Variants in CSRNP3 observed in about 807,000 individuals in gnomAD.
CSRNP3 encodes the protein cysteine/serine-rich nuclear protein 3.
Under a neutral mutation model 48.0 loss-of-function variants are expected in CSRNP3, and 12 were observed. The ratio of observed to expected loss-of-function variants is 0.25; its 90% CI spans 0.16 to 0.41. The LOEUF (loss-of-function observed/expected upper bound fraction) is 0.41, where lower values mean the gene tolerates loss of function less well. Ranked by LOEUF, CSRNP3 falls within the 10% of genes least tolerant of loss-of-function variation. The pLI is 1.00. For missense variants in CSRNP3, 580 were observed against 724.4 expected (o/e 0.80, Z 2.29); for synonymous variants, 263 against 269.7 (o/e 0.98, Z 0.24).
intron 1 of CSRNP3, among the ~76,000 whole-genome samples, chr2:165,476,216 T>C (rs547328979): frequency 3.4e-4 from 52 of 152,256 alleles, no homozygotes; most frequent in Admixed American, 5.9e-4. Flanking sequence ...TTTCTGCCAT[T>C]TGTGGTCTGT....
chr2:165,667,363 A>G (rs190479008), intron 5 of CSRNP3, among the ~76,000 whole-genome samples: 27 of 152,310 alleles, frequency 1.8e-4, no homozygotes, highest in African/African-American at 6.3e-4. Context: ...ATAGTCTAAT[A>G]ATTACTGCTC....
chr2:165,627,799 C>T (rs1432029037), intron 4 of CSRNP3, among the ~76,000 whole-genome samples: 1 of 152,164 alleles, frequency 6.6e-6, no homozygotes, highest in Non-Finnish European at 1.5e-5. Context: ...CACCCAGAGA[C>T]ATGGTCAGAG....
rs189100743 is a variant in CSRNP3, at chr2:165,591,060, A to C, written c.-23-3983A>C. Among the ~76,000 whole-genome samples, 225 of 150,798 alleles carry C rather than the reference A, an allele frequency of 1.5e-3. 1 individual carries two copies. Among genetic ancestry groups the C allele is most frequent in the Non-Finnish European group, 2.5e-3 (167 of 68,032 alleles). On this transcript the variant is annotated intron_variant, in intron 3 of 6. Coordinates refer to ENST00000651982, the MANE Select transcript of CSRNP3 (RefSeq NM_001172173.2). Reference sequence around the variant, plus strand: ...CTAGAGACTTGGAGAGCTCAAAGACAGGAAGATATGGGAAAGTTTGGAACT... The same window carrying C: ...CTAGAGACTTGGAGAGCTCAAAGACCGGAAGATATGGGAAAGTTTGGAACT...
chr2:165,633,069 T>A (rs1251578435), intron 4 of CSRNP3, among the ~76,000 whole-genome samples: 1 of 152,240 alleles, frequency 6.6e-6, no homozygotes, highest in Non-Finnish European at 1.5e-5. Flanking sequence ...AAAAACCACC[T>A]AAGTGAACTA....
chr2:165,671,802 T>C (rs890047462), intron 5 of CSRNP3, among the ~76,000 whole-genome samples: 37 of 152,338 alleles, frequency 2.4e-4, no homozygotes, highest in Non-Finnish European at 3.2e-4. Context: ...TTTTTCAAAC[T>C]TTTATGCTCT....
chr2:165,551,579 T>C (rs1257680844), intron 3 of CSRNP3, among the ~76,000 whole-genome samples: 1 of 152,214 alleles, frequency 6.6e-6, no homozygotes, highest in African/African-American at 2.4e-5. Context: ...CTAATAGCTA[T>C]TCCTGTCTAA....
At chr2:165,541,603 T>C (rs1231969583) in intron 3 of CSRNP3, among the ~76,000 whole-genome samples, 1 of 152,146 alleles carries the variant, frequency 6.6e-6, no homozygotes, top group African/African-American at 2.4e-5. Context: ...CATCGTGGGA[T>C]ACAAAGGTGA....
intron 2 of CSRNP3, 118 bp from the exon 3 acceptor site, chr2:165,517,755 T>C (rs1437850857): frequency 1.3e-5 from 2 of 152,388 alleles, no homozygotes; most frequent in Non-Finnish European, 2.9e-5. Flanking sequence ...GCTTTACTTA[T>C]AGTTTAAGAT....
chr2:165,525,951 T>C (rs1388329686), intron 3 of CSRNP3, among the ~76,000 whole-genome samples: 1 of 152,258 alleles, frequency 6.6e-6, no homozygotes, highest in African/African-American at 2.4e-5. Flanking sequence ...ATTTTACTTA[T>C]GTGCTTACGG....
intron 3 of CSRNP3, among the ~76,000 whole-genome samples, chr2:165,583,737 AAAT>A (rs374942779): frequency 3.9e-5 from 6 of 152,226 alleles, no homozygotes; most frequent in East Asian, 3.8e-4. Flanking sequence ...TTACACTAGT[AAAT>A]AATAATAAGA....
chr2:165,676,246 G>C, intron 5 of CSRNP3, 66 bp from the exon 6 acceptor site: 1 of 1,228,578 alleles, frequency 8.1e-7, no homozygotes, highest in East Asian at 2.3e-5. Context: ...TTCTCACCCA[G>C]TACAAACATA....
At chr2:165,668,788 G>C in intron 5 of CSRNP3, among the ~76,000 whole-genome samples, 1 of 152,086 alleles carries the variant, frequency 6.6e-6, no homozygotes, top group East Asian at 1.9e-4. Context: ...TCAGCTCTTA[G>C]AGTGTACTGC....
intron 4 of CSRNP3, among the ~76,000 whole-genome samples, chr2:165,612,889 G>T (rs537927395): frequency 1.6e-3 from 250 of 151,990 alleles, no homozygotes; most frequent in Admixed American, 3.1e-3. Context: ...AGTAAAGTTG[G>T]TATCTCTTCA....
intron 3 of CSRNP3, among the ~76,000 whole-genome samples, chr2:165,559,852 T>G (rs1393884250): frequency 7.3e-6 from 1 of 136,392 alleles, no homozygotes; most frequent in East Asian, 2.2e-4. Flanking sequence ...CAGGCTGGAG[T>G]GCAGTGGCAC....
chr2:165,524,897 G>A (rs1421454514), intron 3 of CSRNP3, among the ~76,000 whole-genome samples: 1 of 152,088 alleles, frequency 6.6e-6, no homozygotes, highest in East Asian at 1.9e-4. Context: ...AAATATCCAC[G>A]TAGAAATTTG....
At chr2:165,589,019 T>C (rs558923053) in intron 3 of CSRNP3, among the ~76,000 whole-genome samples, 9 of 152,202 alleles carry the variant, frequency 5.9e-5, no homozygotes, top group Non-Finnish European at 1.3e-4. Context: ...TGGCACATTT[T>C]CATTTGCTGT....
intron 3 of CSRNP3, among the ~76,000 whole-genome samples, chr2:165,525,992 A>C (rs866526110): frequency 1.3e-5 from 2 of 152,184 alleles, no homozygotes; most frequent in East Asian, 1.9e-4. Context: ...TTTTTTATAA[A>C]AGACTATTTT....
At chr2:165,676,226 T>C in intron 5 of CSRNP3, 86 bp from the exon 6 acceptor site, 2 of 939,992 alleles carry the variant, frequency 2.1e-6, no homozygotes, top group Non-Finnish European at 3.3e-6. Context: ...TGATGATATA[T>C]AATAGTTCAT....
At chr2:165,559,252 AG>A (rs1443047609) in intron 3 of CSRNP3, among the ~76,000 whole-genome samples, 1 of 152,210 alleles carries the variant, frequency 6.6e-6, no homozygotes, top group East Asian at 1.9e-4. Context: ...CTCTGGTACT[AG>A]AAAAAGAGCT....
Sources: allele counts gnomAD v4.1 joint callset (sites outside exome capture counted in the v4.1 genomes callset), GRCh38; gene constraint gnomAD v4.1.1; transcripts MANE v1.5; gene names NCBI Gene and HGNC (gene_info 2026-07-23, HGNC 2026-07-21).